AFF3: variants seen among roughly 807,000 people sequenced by gnomAD.
The protein encoded by AFF3 is AF4/FMR2 family member 3.
Under a neutral mutation model 129.7 loss-of-function variants are expected in AFF3, and 32 were observed. The ratio of observed to expected loss-of-function variants is 0.25; its 90% CI spans 0.19 to 0.33. The LOEUF (loss-of-function observed/expected upper bound fraction) is 0.33. Ranked by LOEUF, AFF3 falls within the 10% of genes least tolerant of loss-of-function variation. The pLI, the probability that AFF3 is intolerant of heterozygous loss-of-function variation, is 1.00. For missense variants in AFF3, 1,373 were observed against 1,592.0 expected (o/e 0.86, Z 2.34); for synonymous variants, 644 against 635.4 (o/e 1.01, Z -0.20).
intron 8 of AFF3, among the ~76,000 whole-genome samples, chr2:99,753,305 G>C (rs1681819005): frequency 6.6e-6 from 1 of 151,970 alleles, no homozygotes. Context: ...TCACCATGTT[G>C]GCCAGGCTGG....
intron 12 of AFF3, among the ~76,000 whole-genome samples, chr2:99,670,950 G>A (rs535844136): frequency 2.0e-4 from 31 of 152,222 alleles, no homozygotes; most frequent in Admixed American, 7.8e-4. Context: ...AAAGCAAAAT[G>A]AGTCAACTAA....
intron 2 of AFF3, chr2:100,107,267 G>A: frequency 1.0e-6 from 1 of 985,328 alleles, no homozygotes; most frequent in Non-Finnish European, 1.2e-6. Flanking sequence ...AACAGTTAGT[G>A]AGAGCCTTTA....
Position 100,008,930 on chromosome 2 carries a change from A to G in AFF3, c.56T>C (p.Val19Ala). 1 of 1,613,714 alleles carries G rather than the reference A, an allele frequency of 6.2e-7. No homozygotes were observed. Among genetic ancestry groups the G allele is most frequent in the Non-Finnish European group, 8.5e-7 (1 of 1,179,862 alleles). ...TAATGCATTTCTATCTGGTTCATAG[A>G]CACTGCATCAGGAAAAAGAAGAGAG... ...LQEWDLESLC[V>A]YEPDRNALRR... is the part of the protein sequence containing the mutation. Residue 19 changes from valine to alanine, a missense_variant and splice_region_variant, in exon 5 of 25, where the codon GTC becomes GCC. This residue lies in a region of AFF3 where 255 missense variants were observed against 256.0 expected (regional missense o/e 1.00). Coordinates refer to ENST00000672756, the MANE Select transcript of AFF3 (RefSeq NM_001386135.1).
At chr2:99,937,737 T>C (rs1186867681) in intron 7 of AFF3, among the ~76,000 whole-genome samples, 1 of 152,130 alleles carries the variant, frequency 6.6e-6, no homozygotes, top group African/African-American at 2.4e-5. Flanking sequence ...AAAACAGTAA[T>C]AGAATAACAG....
chr2:99,668,559 GTTT>G (rs1686883744), intron 12 of AFF3, among the ~76,000 whole-genome samples: 1 of 150,660 alleles, frequency 6.6e-6, no homozygotes, highest in African/African-American at 2.5e-5. Flanking sequence ...TTTTGTTTTT[GTTT>G]TTGTTTTGTT....
chr2:99,871,716 T>C (rs879376601), intron 7 of AFF3, among the ~76,000 whole-genome samples: 1 of 152,120 alleles, frequency 6.6e-6, no homozygotes, highest in Non-Finnish European at 1.5e-5. Flanking sequence ...TCTTAGACAC[T>C]GGGGACTCCA....
At chr2:99,963,776 C>A (rs184237685) in intron 7 of AFF3, among the ~76,000 whole-genome samples, 2 of 152,024 alleles carry the variant, frequency 1.3e-5, no homozygotes, top group Non-Finnish European at 2.9e-5. Context: ...CCAAACATAT[C>A]AATAATTACC....
At chr2:99,908,536 G>C (rs1003660821) in intron 7 of AFF3, among the ~76,000 whole-genome samples, 8 of 152,064 alleles carry the variant, frequency 5.3e-5, no homozygotes, top group Admixed American at 1.3e-4. Flanking sequence ...AGAGTGAACA[G>C]GCAACCTACA....
At chr2:99,757,023 C>T (rs1444418912) in intron 8 of AFF3, among the ~76,000 whole-genome samples, 4 of 152,228 alleles carry the variant, frequency 2.6e-5, no homozygotes, top group South Asian at 2.1e-4. Flanking sequence ...TCTCTTCCCC[C>T]GTGGCTCCCA....
intron 7 of AFF3, among the ~76,000 whole-genome samples, chr2:99,875,370 C>T (rs989390979): frequency 8.5e-5 from 13 of 152,240 alleles, no homozygotes; most frequent in African/African-American, 3.1e-4. Flanking sequence ...GGAGTCCCCT[C>T]ACTTCCACTT....
intron 7 of AFF3, among the ~76,000 whole-genome samples, chr2:99,970,246 C>T (rs1207295712): frequency 2.6e-5 from 4 of 152,174 alleles, no homozygotes; most frequent in Non-Finnish European, 4.4e-5. Flanking sequence ...TCTTCTCCAC[C>T]TGTGACCCAG....
At chr2:99,908,061 C>A (rs1694843334) in intron 7 of AFF3, among the ~76,000 whole-genome samples, 1 of 152,158 alleles carries the variant, frequency 6.6e-6, no homozygotes, top group South Asian at 2.1e-4. Context: ...GCCCAACTTT[C>A]TCCTATTTCA....
intron 8 of AFF3, among the ~76,000 whole-genome samples, chr2:99,786,655 A>T (rs1030494977): frequency 6.6e-6 from 1 of 152,188 alleles, no homozygotes; most frequent in Non-Finnish European, 1.5e-5. Flanking sequence ...TGTGGGTTTT[A>T]TGCCGTAGTG....
At chr2:100,005,824 T>C (rs762485638) in intron 7 of AFF3, among the ~76,000 whole-genome samples, 1 of 152,260 alleles carries the variant, frequency 6.6e-6, no homozygotes, top group Non-Finnish European at 1.5e-5. Context: ...ATCATTGCTT[T>C]CATTTGGTTA....
chr2:99,714,312 T>G (rs370581093), intron 11 of AFF3, among the ~76,000 whole-genome samples: 1 of 152,302 alleles, frequency 6.6e-6, no homozygotes, highest in South Asian at 2.1e-4. Context: ...GAATAAGCCA[T>G]GCCCCTTTGC....
At chr2:99,887,984 A>C (rs1208848101) in intron 7 of AFF3, among the ~76,000 whole-genome samples, 1 of 152,226 alleles carries the variant, frequency 6.6e-6, no homozygotes, top group Non-Finnish European at 1.5e-5. Context: ...CATGATTCTG[A>C]GAACTAGCTC....
intron 4 of AFF3, among the ~76,000 whole-genome samples, chr2:100,091,897 C>T (rs1189393743): frequency 5.1e-5 from 7 of 137,618 alleles, no homozygotes; most frequent in African/African-American, 1.9e-4. Context: ...GGTCACAGAC[C>T]CCACTGGCTC....
chr2:99,607,405 G>A (rs1265617806), intron 13 of AFF3, among the ~76,000 whole-genome samples: 6 of 151,996 alleles, frequency 3.9e-5, no homozygotes, highest in African/African-American at 1.2e-4. Flanking sequence ...GGTGGTGGGC[G>A]CCTATAATCC....
chr2:99,635,697 A>T (rs1357719), intron 13 of AFF3, among the ~76,000 whole-genome samples: 1 of 152,076 alleles, frequency 6.6e-6, no homozygotes, highest in Non-Finnish European at 1.5e-5. Context: ...GAAGGCCACA[A>T]TGCCACCCCT....
Sources: gnomAD v4.1 joint callset for allele counts (sites outside exome capture counted in the v4.1 genomes callset) on GRCh38, gnomAD v4.1.1 for gene constraint, gnomAD v4.1.1 regional missense constraint, MANE v1.5 for transcripts, NCBI Gene and HGNC (gene_info 2026-07-23, HGNC 2026-07-21) for gene names.